IFFO2: variants seen among roughly 807,000 people sequenced by gnomAD.
The protein encoded by IFFO2 is intermediate filament family orphan 2.
In IFFO2, 19 loss-of-function variants were observed where a neutral mutation model predicts 53.5. The ratio of observed to expected loss-of-function variants is 0.36; its 90% CI spans 0.25 to 0.52. The LOEUF (loss-of-function observed/expected upper bound fraction) is 0.52, where lower values mean the gene tolerates loss of function less well. Among genes scored for constraint, IFFO2 ranks in the 20% least tolerant of loss-of-function variants. IFFO2 has a pLI of 0.94. For synonymous variants in IFFO2, 303 were observed against 313.6 expected (o/e 0.97, Z 0.36); for missense variants, 570 against 727.4 (o/e 0.78, Z 2.49).
In IFFO2 at chr1:18,912,086, G is replaced by A. The variant is rs144158925; in HGVS notation, c.1104-3C>T. ...CGTCAAAGTCAAAGGTCTCCCGCCT[G>A]TGGGGGTGACACCAGAGGGCATGAC... On this transcript the variant is annotated splice_polypyrimidine_tract_variant and splice_region_variant and intron_variant, in intron 5 of 8. Transcript: ENST00000455833. The A allele has an allele frequency of 1.8e-3, 2,736 of 1,551,604 alleles. 43 individuals carry two copies. The African/African-American group carries it at 0.033, about 19-fold the overall frequency.
In IFFO2 at chr1:18,956,188, C is replaced by G; in HGVS notation, c.145G>C (p.Asp49His). The change falls in exon 1 of 9, where the codon GAC becomes CAC. Residue 49 changes from aspartate to histidine, a missense_variant. By Grantham distance (81) the Asp-to-His change is moderately conservative. Coordinates refer to ENST00000455833, the MANE Select transcript of IFFO2 (RefSeq NM_001136265.2). The surrounding 1 kb of genome is among the most constrained non-coding windows in gnomAD (Gnocchi z 6.4). ...AAGAGGTGGATGTTGGAGCCCAGGT[C>G]GTCCCGCAGCGCCGCCGTCACCGGC... ...PSPVTAALRD[D>H]LGSNIHLLKG... 1 of 1,446,024 alleles carries G rather than the reference C, an allele frequency of 6.9e-7. No individual in the cohort carries two copies. The highest frequency in any genetic ancestry group is 9.2e-7 in the Non-Finnish European group (1 of 1,084,926). The allele number at this position is 1,446,024 out of a possible 1,614,324, so 89.6% of individuals were successfully genotyped here.
rs1479171727 is a variant in IFFO2, at chr1:18,956,103, C to T, written c.230G>A (p.Arg77His). The T allele has an allele frequency of 4.0e-6, 6 of 1,503,272 alleles. No homozygotes were observed. Among genetic ancestry groups the T allele is most frequent in the Middle Eastern group, 3.5e-4 (2 of 5,736 alleles). 93.1% of individuals were successfully genotyped at this position (1,503,272 alleles called of 1,614,324 possible). Reference protein sequence around the residue: ...FLAKVHELERRNRLLEKQLEQ... With the variant: ...FLAKVHELERHNRLLEKQLEQ... ...CAGCTGCTTCTCCAGCAGCCGGTTG[C>T]GCCGCTCCAGCTCGTGCACCTTAGC... is the stretch of plus-strand genomic sequence containing the variant. Residue 77 changes from arginine to histidine, a missense_variant, in exon 1 of 9, where the codon CGC becomes CAC. Transcript: ENST00000455833. The surrounding 1 kb of genome is among the most constrained non-coding windows in gnomAD (Gnocchi z 6.4).
chr1:18,912,089 G>A lies in IFFO2; in HGVS notation c.1104-6C>T, dbSNP rs1557637863. 7.1e-6 allele frequency: 11 copies of A among 1,551,578 alleles called. No homozygotes were observed. The East Asian group carries it at 2.7e-4, about 38-fold the overall frequency. On this transcript the variant is annotated splice_polypyrimidine_tract_variant and splice_region_variant and intron_variant, in intron 5 of 8. Transcript: ENST00000455833. ...CAAAGTCAAAGGTCTCCCGCCTGTGGGGGTGACACCAGAGGGCATGACTGA... is the reference window on the plus strand; with the variant it reads ...CAAAGTCAAAGGTCTCCCGCCTGTGAGGGTGACACCAGAGGGCATGACTGA...
chr1:18,909,501 C>A (rs1452097890), intron 8 of IFFO2, among the ~76,000 whole-genome samples: 4 of 152,148 alleles, frequency 2.6e-5, no homozygotes, highest in African/African-American at 7.2e-5. Flanking sequence ...CCATAATCCC[C>A]ACGTGTCATG....
At chr1:18,935,964 C>G (rs1385372300) in intron 1 of IFFO2, among the ~76,000 whole-genome samples, 1 of 150,618 alleles carries the variant, frequency 6.6e-6, no homozygotes, top group Non-Finnish European at 1.5e-5. Flanking sequence ...GCCTCAGACT[C>G]CCAAAGTGCT....
intron 5 of IFFO2, among the ~76,000 whole-genome samples, chr1:18,914,441 G>A (rs985438687): frequency 5.9e-5 from 9 of 152,062 alleles, no homozygotes; most frequent in Non-Finnish European, 7.4e-5. Context: ...TGGGATCTCC[G>A]GGACATACAA....
intron 1 of IFFO2, among the ~76,000 whole-genome samples, chr1:18,942,127 A>G (rs1936529121): frequency 6.6e-6 from 1 of 152,174 alleles, no homozygotes; most frequent in Non-Finnish European, 1.5e-5. Context: ...TTCCTTTTGT[A>G]TGAGATGGGA....
At chr1:18,945,309 C>T (rs1936572606) in intron 1 of IFFO2, among the ~76,000 whole-genome samples, 1 of 152,044 alleles carries the variant, frequency 6.6e-6, no homozygotes, top group Admixed American at 6.5e-5. Flanking sequence ...TCCACTACCA[C>T]CCCCCAAGAT....
chr1:18,955,883 G>C lies in IFFO2; in HGVS notation c.450C>G (p.His150Gln). Residue 150 changes from histidine to glutamine, a missense_variant, in exon 1 of 9, where the codon CAC becomes CAG. Transcript: ENST00000455833. ...CGGGCAGGCGGCCGTAGTGCTGCGG[G>C]TGCGAGCCGCCGCCGGGGGGCAGGC... is the stretch of plus-strand genomic sequence containing the variant. ...LGGLPPGGGS[H>Q]PQHYGRLPGT... The C allele has an allele frequency of 1.5e-6, 2 of 1,363,946 alleles. No individual in the cohort carries two copies. The highest frequency in any genetic ancestry group is 9.4e-7 in the Non-Finnish European group (1 of 1,068,610). The allele number at this position is 1,363,946 out of a possible 1,614,324, so 84.5% of individuals were successfully genotyped here. A position where few individuals can be genotyped will look rare whatever the true frequency, so the allele number is the denominator to read the frequency against.
intron 1 of IFFO2, among the ~76,000 whole-genome samples, chr1:18,939,921 A>G (rs1436103261): frequency 1.3e-5 from 2 of 152,242 alleles, no homozygotes; most frequent in Non-Finnish European, 2.9e-5. Context: ...CAGGATTTGC[A>G]GTGGTCCTAG....
intron 1 of IFFO2, among the ~76,000 whole-genome samples, chr1:18,940,978 C>T (rs928517157): frequency 6.6e-6 from 1 of 152,268 alleles, no homozygotes; most frequent in East Asian, 1.9e-4. Context: ...GGGTGCAACA[C>T]GAGACTCTAG....
intron 6 of IFFO2, 67 bp downstream of exon 6, chr1:18,911,896 A>C: frequency 6.5e-7 from 1 of 1,532,406 alleles, no homozygotes; most frequent in Non-Finnish European, 8.8e-7. Context: ...GGGATGAGGG[A>C]CCATTGAAAG....
At chr1:18,921,220 G>A in intron 1 of IFFO2, 99 bp from the exon 2 acceptor site, 2 of 1,069,484 alleles carry the variant, frequency 1.9e-6, no homozygotes, top group Non-Finnish European at 2.8e-6. Flanking sequence ...ACTATCTTGA[G>A]CTGGGCAAGG....
chr1:18,937,230 C>G (rs2148182869), intron 1 of IFFO2, among the ~76,000 whole-genome samples: 1 of 152,292 alleles, frequency 6.6e-6, no homozygotes, highest in South Asian at 2.1e-4. Context: ...CTTGTGCAAC[C>G]AAGGATGGGT....
In IFFO2 at chr1:18,904,790, C is replaced by T. The variant is rs1468124690; in HGVS notation, c.*3771G>A. ...GGAAGACCCCTGTCCTAGGAAACCC[C>T]CAGCACCCTGATCCCTCCCCCCAGG... On this transcript the variant is annotated 3_prime_UTR_variant, in exon 9 of 9. Transcript: ENST00000455833. 1 of 152,198 alleles carries T rather than the reference C, an allele frequency of 6.6e-6. No homozygotes were observed. The highest frequency in any genetic ancestry group is 2.4e-5 in the African/African-American group (1 of 41,404). The allele number at this position is 152,198 out of a possible 1,614,324, so 9.4% of individuals were successfully genotyped here.
chr1:18,947,661 C>T lies in IFFO2; in HGVS notation c.665+8007G>A, dbSNP rs1483724698. Reference sequence around the variant, plus strand: ...TGTTCCCCAACTCCTCCCCTGCCAGCCCTGCCAGCCCCCATTGAGACCTTC... The same window carrying T: ...TGTTCCCCAACTCCTCCCCTGCCAGTCCTGCCAGCCCCCATTGAGACCTTC... On this transcript the variant is annotated intron_variant, in intron 1 of 8. Coordinates refer to ENST00000455833, the MANE Select transcript of IFFO2 (RefSeq NM_001136265.2). This position sits in a 1 kb window ranked among gnomAD's most constrained non-coding sequence, Gnocchi z 5.0. 6.6e-6 allele frequency among the ~76,000 whole-genome samples: 1 copy of T among 152,310 alleles called. No individual in the cohort carries two copies. The highest frequency in any genetic ancestry group is 3.4e-3 in the Middle Eastern group (1 of 294).
At chr1:18,910,532 G>A (rs1042751885) in intron 7 of IFFO2, 60 bp from the exon 8 acceptor site, 41 of 1,550,018 alleles carry the variant, frequency 2.6e-5, no homozygotes, top group Non-Finnish European at 3.1e-5. Flanking sequence ...CAGAAGCCTC[G>A]GCAACCTCTC....
Position 18,916,047 on chromosome 1 carries a change from C to A in IFFO2, c.1103+856G>T, listed in dbSNP as rs1325733409. ...GGCTGAGGCAGGAGAAACACTGGAA[C>A]CCGGGAGGCAGAGGTTGCAGTGAGC... On this transcript the variant is annotated intron_variant, in intron 5 of 8. Coordinates refer to ENST00000455833, the MANE Select transcript of IFFO2 (RefSeq NM_001136265.2). The surrounding 1 kb of genome is among the most constrained non-coding windows in gnomAD (Gnocchi z 4.3). Among the ~76,000 whole-genome samples the A allele has an allele frequency of 6.6e-6, 1 of 152,038 alleles. No individual in the cohort carries two copies. The highest frequency in any genetic ancestry group is 2.4e-5 in the African/African-American group (1 of 41,380).
In IFFO2 at chr1:18,911,977, C is replaced by T. The variant is rs764023535; in HGVS notation, c.1210G>A (p.Asp404Asn). The change falls in exon 6 of 9, where the codon GAC becomes AAC. Residue 404 changes from aspartate (D) to asparagine (N), a missense_variant. By Grantham distance (23) the Asp-to-Asn change is conservative. Coordinates refer to ENST00000455833, the MANE Select transcript of IFFO2 (RefSeq NM_001136265.2). ...GCTGGGCTTACCTCGCCCTGCAGGTCGATGGTCGGATTGCAGTTGGTGAAA... is the reference window on the plus strand; with the variant it reads ...GCTGGGCTTACCTCGCCCTGCAGGTTGATGGTCGGATTGCAGTTGGTGAAA... ...EDFTNCNPTI[D>N]LQGEQEENLG... is the part of the protein sequence containing the mutation. 2 of 1,551,714 alleles carry T rather than the reference C, an allele frequency of 1.3e-6. No homozygotes were observed. The highest frequency in any genetic ancestry group is 2.4e-5 in the South Asian group (2 of 84,060).
Sources: allele counts gnomAD v4.1 joint callset (sites outside exome capture counted in the v4.1 genomes callset), GRCh38; gene constraint gnomAD v4.1.1; non-coding constraint Gnocchi (gnomAD v3.1); transcripts MANE v1.5; gene names NCBI Gene and HGNC (gene_info 2026-07-23, HGNC 2026-07-21).